Variants in DIXDC1 observed in about 807,000 individuals in gnomAD.
The protein encoded by DIXDC1 is DIX domain containing 1.
DIXDC1 carries 64 observed loss-of-function variants against 103.1 expected under a neutral mutation model. That is an observed-to-expected ratio of 0.62 (90% CI 0.51 to 0.76). The LOEUF (loss-of-function observed/expected upper bound fraction) is 0.76. Ranked by LOEUF, DIXDC1 falls within the 30% of genes least tolerant of loss-of-function variation. The probability of loss-of-function intolerance (pLI) is 0.00; values close to 1 mark genes in which losing one functional copy is unlikely to be tolerated. For missense variants in DIXDC1, 759 were observed against 834.2 expected (o/e 0.91, Z 1.11); for synonymous variants, 266 against 298.5 (o/e 0.89, Z 1.12).
chr11:111,963,199 T>G (rs1170721195), intron 1 of DIXDC1, among the ~76,000 whole-genome samples: 3 of 152,226 alleles, frequency 2.0e-5, no homozygotes, highest in African/African-American at 7.2e-5. Context: ...ATTTAGTACA[T>G]TTAGTAAGCG....
At position 111,939,536 on chromosome 11, in the gene DIXDC1, T is replaced by C. The variant is rs781933189; in HGVS notation, c.60+1977T>C. On this transcript the variant is annotated intron_variant, in intron 1 of 19. Transcript: ENST00000440460. The stretch of plus-strand genomic sequence containing the variant: ...TCCCTCCATCCCCTCCACAAGCTAG[T>C]GTACGTCTGTTCCTCTCTGTTAGAT... Among the ~76,000 whole-genome samples, 2 of 152,348 alleles carry C rather than the reference T, an allele frequency of 1.3e-5. 1 individual carries two copies. Among genetic ancestry groups the C allele is most frequent in the Middle Eastern group, 6.8e-3 (2 of 294 alleles).
rs1555172816 is a variant in DIXDC1, at chr11:111,977,799, G to C, written c.656+2816G>C. 1 of 1,563,708 alleles carries C rather than the reference G, an allele frequency of 6.4e-7. No homozygotes were observed. Among genetic ancestry groups the C allele is most frequent in the East Asian group, 2.4e-5 (1 of 41,322 alleles). ...GGGAGGGACGCAAGTCAAATGGTGA[G>C]CTGAAGCCACTCTGGCTTTGGAAGT... On this transcript the variant is annotated intron_variant, in intron 5 of 19. Transcript: ENST00000440460. The surrounding 1 kb of genome is among the most constrained non-coding windows in gnomAD (Gnocchi z 6.1).
chr11:111,985,942 C>T (rs1239446015), intron 8 of DIXDC1, among the ~76,000 whole-genome samples: 5 of 152,182 alleles, frequency 3.3e-5, no homozygotes, highest in East Asian at 1.9e-4. Context: ...TACCAAAATG[C>T]GCCAAACAGA....
chr11:111,930,849 CTTTTTTTT>C (rs782075106), intron 2 of DIXDC1, among the ~76,000 whole-genome samples: 3 of 116,864 alleles, frequency 2.6e-5, no homozygotes, highest in African/African-American at 1.1e-4. Context: ...TCTTTCTTTC[CTTTTTTTT>C]TTTTTTTTTT....
rs587596191 is a variant in DIXDC1 at position 112,007,696 on chromosome 11, C to G, written c.1757-8995C>G. ...GAGTTTTCAACGCAAAATTTCATATCCAGCCAAACTAAGCTTCATAAGTGA... is the reference window on the plus strand; with the variant it reads ...GAGTTTTCAACGCAAAATTTCATATGCAGCCAAACTAAGCTTCATAAGTGA... On this transcript the variant is annotated intron_variant, in intron 17 of 19. Coordinates refer to ENST00000440460, the MANE Select transcript of DIXDC1 (RefSeq NM_001037954.4). Among the ~76,000 whole-genome samples the G allele has an allele frequency of 3.9e-5, 6 of 152,272 alleles. 1 individual carries two copies. Among genetic ancestry groups the G allele is most frequent in the Admixed American group, 2.6e-4 (4 of 15,298 alleles).
chr11:111,951,712 C>T (rs1450548011), intron 1 of DIXDC1, among the ~76,000 whole-genome samples: 1 of 152,118 alleles, frequency 6.6e-6, no homozygotes, highest in Admixed American at 6.5e-5. Flanking sequence ...GAATAAACCT[C>T]ACGATATCTG....
chr11:111,940,191 G>A (rs187929909), intron 1 of DIXDC1, among the ~76,000 whole-genome samples: 1 of 152,338 alleles, frequency 6.6e-6, no homozygotes, highest in Non-Finnish European at 1.5e-5. Flanking sequence ...TTGCCACTAT[G>A]TATAGCCATG....
At chr11:111,932,459 G>A (rs190586848), upstream of DIXDC1, among the ~76,000 whole-genome samples, 94 of 151,842 alleles carry the variant, frequency 6.2e-4, no homozygotes, top group African/African-American at 2.0e-3. Flanking sequence ...GGTGGCGGAC[G>A]CCTGTAGTCC....
At chr11:111,950,379 A>AT (rs1167780710) in intron 1 of DIXDC1, among the ~76,000 whole-genome samples, 106 of 91,854 alleles carry the variant, frequency 1.2e-3, no homozygotes, top group African/African-American at 2.9e-3. Flanking sequence ...TTCTTATTTT[A>AT]TTTTTTTTTA....
chr11:111,940,898 GAAAT>G (rs1555168772), intron 1 of DIXDC1, among the ~76,000 whole-genome samples: 1 of 152,180 alleles, frequency 6.6e-6, no homozygotes, highest in Non-Finnish European at 1.5e-5. Context: ...CCAGGCTCTG[GAAAT>G]ACATAGAAGT....
chr11:112,002,589 G>A (rs1159587498), intron 17 of DIXDC1, among the ~76,000 whole-genome samples: 1 of 152,022 alleles, frequency 6.6e-6, no homozygotes, highest in African/African-American at 2.4e-5. Context: ...TCAGGAGTTC[G>A]AGATCAGCCT....
chr11:111,960,101 G>C (rs138223368), intron 1 of DIXDC1, among the ~76,000 whole-genome samples: 1 of 151,540 alleles, frequency 6.6e-6, no homozygotes, highest in Admixed American at 6.6e-5. Flanking sequence ...GTAGAGACAG[G>C]GTTTCACCAT....
intron 5 of DIXDC1, 59 bp from the exon 6 acceptor site, chr11:111,980,678 G>C: frequency 7.1e-7 from 1 of 1,404,540 alleles, no homozygotes; most frequent in Admixed American, 1.9e-5. Context: ...AATTATGAAA[G>C]CTGCTTTCTG....
At chr11:111,937,656 AC>A (rs1966260269) in intron 1 of DIXDC1, 97 bp downstream of exon 1, 4 of 1,293,868 alleles carry the variant, frequency 3.1e-6, no homozygotes, top group Non-Finnish European at 3.2e-6. Flanking sequence ...TCCTTTGGGG[AC>A]CCCAGAGCAA....
intron 3 of DIXDC1, among the ~76,000 whole-genome samples, chr11:111,969,449 C>T (rs1859840984): frequency 6.6e-6 from 1 of 152,038 alleles, no homozygotes; most frequent in East Asian, 1.9e-4. Context: ...TATTTTATAG[C>T]CCTTTTTTGG....
At chr11:111,999,880 AAT>A (rs1861013358) in intron 17 of DIXDC1, among the ~76,000 whole-genome samples, 2 of 152,112 alleles carry the variant, frequency 1.3e-5, no homozygotes, top group African/African-American at 4.8e-5. Flanking sequence ...TCACGCCTGT[AAT>A]CCCAGCACTT....
At chr11:111,968,768 T>G in intron 3 of DIXDC1, 130 bp downstream of exon 3, 1 of 1,148,616 alleles carries the variant, frequency 8.7e-7, no homozygotes, top group Non-Finnish European at 1.1e-6. Flanking sequence ...TTTTTTATTT[T>G]TTATTTCATG....
chr11:111,951,973 C>T (rs1229670374), intron 1 of DIXDC1, among the ~76,000 whole-genome samples: 2 of 151,016 alleles, frequency 1.3e-5, no homozygotes, highest in Non-Finnish European at 2.9e-5. Flanking sequence ...TCAAGCGGTT[C>T]TCCTACCTCA....
chr11:111,954,506 G>C (rs1309598845), intron 1 of DIXDC1, among the ~76,000 whole-genome samples: 10 of 152,242 alleles, frequency 6.6e-5, no homozygotes, highest in Admixed American at 4.6e-4. Flanking sequence ...CATTGTATTA[G>C]CTATTACAAG....
Sources: gnomAD v4.1 joint callset for allele counts (sites outside exome capture counted in the v4.1 genomes callset) on GRCh38, gnomAD v4.1.1 for gene constraint, Gnocchi (gnomAD v3.1) non-coding constraint, MANE v1.5 for transcripts, NCBI Gene and HGNC (gene_info 2026-07-23, HGNC 2026-07-21) for gene names.